Variants in RALGAPA1 observed in about 807,000 individuals in gnomAD.
RALGAPA1 encodes the protein Ral GTPase activating protein catalytic subunit alpha 1.
A neutral mutation model predicts 269.6 loss-of-function variants in RALGAPA1; 52 were observed. The observed-to-expected ratio is 0.19, with a 90% confidence interval of 0.15 to 0.24. The LOEUF (loss-of-function observed/expected upper bound fraction) is 0.24, where lower values mean the gene tolerates loss of function less well. Among genes scored for constraint, RALGAPA1 ranks in the 10% least tolerant of loss-of-function variants. The probability of loss-of-function intolerance (pLI) is 1.00; values close to 1 mark genes in which losing one functional copy is unlikely to be tolerated. For missense variants in RALGAPA1, 1,917 were observed against 3,013.9 expected (o/e 0.64, Z 8.52); for synonymous variants, 817 against 1,008.3 (o/e 0.81, Z 3.60).
At chr14:35,680,896 G>A (rs937492494) in intron 21 of RALGAPA1, among the ~76,000 whole-genome samples, 1 of 151,408 alleles carries the variant, frequency 6.6e-6, no homozygotes, top group Non-Finnish European at 1.5e-5. Context: ...TTACAGGTGT[G>A]AGCCACCACG....
chr14:35,651,891 T>G lies in RALGAPA1; in HGVS notation c.5608-18A>C, dbSNP rs1459071003. ...ATTAGGATCTGTAAGCAAAAAAAAA[T>G]TTTTTTAAAAGCTCTATATATGTCA... On this transcript the variant is annotated intron_variant, in intron 30 of 41. Coordinates refer to ENST00000680220, the MANE Select transcript of RALGAPA1 (RefSeq NM_001346249.2). 6.3e-7 allele frequency: 1 copy of G among 1,585,932 alleles called. No homozygotes were observed. The highest frequency in any genetic ancestry group is 1.8e-5 in the Admixed American group (1 of 54,584).
chr14:35,611,869 ACTT>A (rs1396328908), intron 35 of RALGAPA1, among the ~76,000 whole-genome samples: 2 of 152,238 alleles, frequency 1.3e-5, no homozygotes, highest in East Asian at 3.8e-4. Context: ...GAGAACTCAT[ACTT>A]CTTGATTTCA....
At chr14:35,626,031 G>C (rs973595830) in intron 34 of RALGAPA1, among the ~76,000 whole-genome samples, 1 of 152,118 alleles carries the variant, frequency 6.6e-6, no homozygotes, top group African/African-American at 2.4e-5. Flanking sequence ...AAAGAGAGTA[G>C]AATGCATTTA....
In RALGAPA1 at chr14:35,683,714, A is replaced by G. The variant is rs1595129102; in HGVS notation, c.4471+95T>C. 1.3e-5 allele frequency: 12 copies of G among 893,398 alleles called. No homozygotes were observed. In the East Asian group the frequency reaches 3.2e-4, roughly 24 times the overall value. 55.3% of individuals were successfully genotyped at this position (893,398 alleles called of 1,614,324 possible). On this transcript the variant is annotated intron_variant, in intron 21 of 41. Transcript: ENST00000680220. ...GAATGAAAAAATATACTTAAATAGT[A>G]ATAAGTAATACTTAAAATCTCTCAA...
At chr14:35,612,739 C>T (rs1047855687) in intron 35 of RALGAPA1, among the ~76,000 whole-genome samples, 9 of 151,994 alleles carry the variant, frequency 5.9e-5, no homozygotes, top group Non-Finnish European at 1.0e-4. Context: ...GGGGTTTCAC[C>T]ATGTTAGCCA....
intron 1 of RALGAPA1, among the ~76,000 whole-genome samples, chr14:35,802,106 G>A (rs1031772202): frequency 3.3e-5 from 5 of 152,104 alleles, no homozygotes; most frequent in African/African-American, 7.2e-5. Flanking sequence ...TCAGGAGTTC[G>A]AGACCAGCCT....
intron 22 of RALGAPA1, chr14:35,676,088 T>C (rs191924623): frequency 6.6e-6 from 1 of 152,334 alleles, no homozygotes; most frequent in Non-Finnish European, 1.5e-5. Flanking sequence ...AATGCCTCCC[T>C]ACTCCAGAGC....
rs756480072 is a variant in RALGAPA1, at chr14:35,627,680, A to C, written c.6267T>G (p.Gly2089=). 1.3e-6 allele frequency: 2 copies of C among 1,589,720 alleles called. No homozygotes were observed. Among genetic ancestry groups the C allele is most frequent in the African/African-American group, 1.4e-5 (1 of 73,528 alleles). ...TGGCTGATGCAAGGCCAGCAGATAA[A>C]CCTCCTCCAGGCATATTCTCTTCTG... ...IRSEENMPGG[G]LSAGLASANS... is the part of the protein sequence containing the mutation. The change falls in exon 34 of 42, where the codon GGT becomes GGG. Residue 2089 remains glycine, a synonymous_variant. Transcript: ENST00000680220.
intron 3 of RALGAPA1, among the ~76,000 whole-genome samples, chr14:35,772,808 G>T (rs189652365): frequency 6.6e-6 from 1 of 152,102 alleles, no homozygotes; most frequent in African/African-American, 2.4e-5. Context: ...AATTCAATAC[G>T]CCTATTTCTA....
intron 1 of RALGAPA1, among the ~76,000 whole-genome samples, chr14:35,786,127 A>G (rs1443684427): frequency 6.6e-6 from 1 of 152,098 alleles, no homozygotes; most frequent in Non-Finnish European, 1.5e-5. Flanking sequence ...ACTGCACTCC[A>G]ACCTGGGTGA....
chr14:35,637,395 G>A lies in RALGAPA1; in HGVS notation c.5677-1797C>T, dbSNP rs1471603787. 2.0e-5 allele frequency among the ~76,000 whole-genome samples: 3 copies of A among 152,130 alleles called. No individual in the cohort carries two copies. In the East Asian group the frequency reaches 5.8e-4, roughly 29 times the overall value. ...TGAAATAACTAAAAAGAACCAAGTA[G>A]AAATTCTGGAGCTGAAAAATGCAAC... On this transcript the variant is annotated intron_variant, in intron 31 of 41. Transcript: ENST00000680220.
intron 33 of RALGAPA1, among the ~76,000 whole-genome samples, chr14:35,629,282 GGTGTGTGT>G (rs33989714): frequency 2.8e-5 from 4 of 145,292 alleles, no homozygotes; most frequent in Non-Finnish European, 4.5e-5. Context: ...ATGTTTAGGG[GGTGTGTGT>G]GTGTGTGTGT....
chr14:35,617,825 A>T (rs2060360074), intron 35 of RALGAPA1, among the ~76,000 whole-genome samples: 2 of 152,290 alleles, frequency 1.3e-5, no homozygotes, highest in South Asian at 4.1e-4. Flanking sequence ...AATGTAACAA[A>T]TTAGGACCTG....
chr14:35,573,971 T>C (rs1432788489), intron 37 of RALGAPA1, among the ~76,000 whole-genome samples: 1 of 152,212 alleles, frequency 6.6e-6, no homozygotes, highest in Non-Finnish European at 1.5e-5. Flanking sequence ...TGATCCAATC[T>C]AATTTTGATA....
At chr14:35,751,455 T>C (rs1461719092) in intron 8 of RALGAPA1, among the ~76,000 whole-genome samples, 1 of 152,164 alleles carries the variant, frequency 6.6e-6, no homozygotes, top group Non-Finnish European at 1.5e-5. Context: ...ACTTTTATAA[T>C]TGATAAGATC....
At chr14:35,670,614 C>A (rs2140233011) in intron 26 of RALGAPA1, among the ~76,000 whole-genome samples, 1 of 152,298 alleles carries the variant, frequency 6.6e-6, no homozygotes, top group South Asian at 2.1e-4. Flanking sequence ...ATGAAAAAAT[C>A]TTCACATGCA....
At chr14:35,636,004 G>C (rs1470427920) in intron 31 of RALGAPA1, among the ~76,000 whole-genome samples, 1 of 152,096 alleles carries the variant, frequency 6.6e-6, no homozygotes, top group African/African-American at 2.4e-5. Context: ...TAGCCTGCCA[G>C]TAAGACTACC....
intron 5 of RALGAPA1, 53 bp from the exon 6 acceptor site, chr14:35,761,059 T>C: frequency 7.2e-7 from 1 of 1,390,228 alleles, no homozygotes; most frequent in Non-Finnish European, 9.7e-7. Context: ...AAATATTTTC[T>C]TCCTTTGAAA....
intron 26 of RALGAPA1, among the ~76,000 whole-genome samples, chr14:35,669,468 A>C (rs1183172630): frequency 6.6e-6 from 1 of 152,074 alleles, no homozygotes; most frequent in African/African-American, 2.4e-5. Context: ...TGGTCAGACT[A>C]GTCTTGAACT....
Sources: gnomAD v4.1 joint callset for allele counts (sites outside exome capture counted in the v4.1 genomes callset) on GRCh38, gnomAD v4.1.1 for gene constraint, MANE v1.5 for transcripts, NCBI Gene and HGNC (gene_info 2026-07-23, HGNC 2026-07-21) for gene names.